Variants in OC90 observed in about 807,000 individuals in gnomAD.
OC90 encodes the protein otoconin 90.
A neutral mutation model predicts 47.3 loss-of-function variants in OC90; 46 were observed. That is an observed-to-expected ratio of 0.97 (90% CI 0.77 to 1.24). OC90 has a LOEUF of 1.24. Among genes scored for constraint, OC90 ranks in the 50% most tolerant of loss-of-function variants. The pLI, the probability that OC90 is intolerant of heterozygous loss-of-function variation, is 0.00. For synonymous variants in OC90, 271 were observed against 219.5 expected, an observed-to-expected ratio of 1.23 and a Z score of -2.07; for missense variants, 688 against 583.9, an observed-to-expected ratio of 1.18 and a Z score of -1.84.
chr8:132,054,952 GA>G (rs1422453435), intron 2 of OC90, 28 bp downstream of exon 2: 1 of 1,514,204 alleles, frequency 6.6e-7, no homozygotes, highest in African/African-American at 1.4e-5. Context: ...TGCTAAGCTG[GA>G]ACTATGGTGT....
At chr8:132,034,700 C>A (rs1822928911) in intron 10 of OC90, 81 bp downstream of exon 10, 1 of 956,044 alleles carries the variant, frequency 1.0e-6, no homozygotes, top group Admixed American at 2.1e-5. Flanking sequence ...CATTTGGAAC[C>A]CAGTTGATAT....
chr8:132,041,757 C>T lies in OC90; in HGVS notation c.170-58G>A, dbSNP rs376270494. ...CTGGGAACTAGGACTAGGAGGGCGTCCCTGTCCCCTGGACTTCCTATACCT... is the reference window on the plus strand; with the variant it reads ...CTGGGAACTAGGACTAGGAGGGCGTTCCTGTCCCCTGGACTTCCTATACCT... On this transcript the variant is annotated intron_variant, in intron 4 of 13. Coordinates refer to ENST00000254627, the MANE Select transcript of OC90 (RefSeq NM_001080399.3). 9.5e-6 allele frequency: 10 copies of T among 1,058,110 alleles called. No homozygotes were observed. In the South Asian group the frequency reaches 1.0e-4, roughly 11 times the overall value. The allele number at this position is 1,058,110 out of a possible 1,614,324, so 65.5% of individuals were successfully genotyped here.
intron 2 of OC90, among the ~76,000 whole-genome samples, chr8:132,054,172 A>T (rs72715326): frequency 6.6e-6 from 1 of 152,156 alleles, no homozygotes; most frequent in Non-Finnish European, 1.5e-5. Flanking sequence ...GCCTGCTCCT[A>T]GCCAATGTCC....
chr8:132,043,559 A>G (rs1037215883), intron 4 of OC90, among the ~76,000 whole-genome samples: 3 of 152,304 alleles, frequency 2.0e-5, no homozygotes, highest in Admixed American at 2.0e-4. Context: ...GTTACCCCTC[A>G]CTACTGATTT....
chr8:132,044,869 C>T (rs1823109900), intron 3 of OC90, among the ~76,000 whole-genome samples: 2 of 152,218 alleles, frequency 1.3e-5, no homozygotes, highest in African/African-American at 2.4e-5. Flanking sequence ...GAGGTCATTA[C>T]TAGAGATACT....
chr8:132,052,320 C>A (rs1823223562), intron 2 of OC90, among the ~76,000 whole-genome samples: 1 of 152,216 alleles, frequency 6.6e-6, no homozygotes, highest in African/African-American at 2.4e-5. Flanking sequence ...ACATTTTTCA[C>A]TGGGCATAAT....
chr8:132,050,672 G>T (rs146704914), intron 2 of OC90, among the ~76,000 whole-genome samples: 1 of 152,260 alleles, frequency 6.6e-6, no homozygotes, highest in African/African-American at 2.4e-5. Context: ...TGCCTGGCAA[G>T]ATGCTTCCAA....
At chr8:132,033,695 G>A (rs955277814) in intron 10 of OC90, among the ~76,000 whole-genome samples, 4 of 152,128 alleles carry the variant, frequency 2.6e-5, no homozygotes, top group Non-Finnish European at 4.4e-5. Flanking sequence ...TACCTGCCTT[G>A]CCATCACATC....
intron 1 of OC90, among the ~76,000 whole-genome samples, chr8:132,056,675 A>G (rs1472630170): frequency 1.3e-5 from 2 of 152,152 alleles, no homozygotes; most frequent in African/African-American, 4.8e-5. Context: ...CCATGAAACA[A>G]GGCTGAAAAT....
intron 5 of OC90, 83 bp from the exon 6 acceptor site, chr8:132,041,239 C>G (rs1204458536): frequency 2.3e-6 from 2 of 856,278 alleles, no homozygotes; most frequent in East Asian, 2.4e-5. Context: ...TTCTGTGTCT[C>G]TGGATGGATC....
rs538985852 is a variant in OC90 at position 132,051,225 on chromosome 8, C to T, written c.46+3756G>A. Among the ~76,000 whole-genome samples the T allele has an allele frequency of 9.2e-5, 14 of 152,336 alleles. No homozygotes were observed. The South Asian group carries it at 2.7e-3, about 29-fold the overall frequency. ...CCTGAACCCCAGCCAAGTACTCTCACTGTTATCCCTCTTCTGGCTATGCTG... is the reference window on the plus strand; with the variant it reads ...CCTGAACCCCAGCCAAGTACTCTCATTGTTATCCCTCTTCTGGCTATGCTG... On this transcript the variant is annotated intron_variant, in intron 2 of 13. Transcript: ENST00000254627.
At chr8:132,027,678 G>A (rs558948743) in intron 13 of OC90, among the ~76,000 whole-genome samples, 1 of 152,300 alleles carries the variant, frequency 6.6e-6, no homozygotes, top group South Asian at 2.1e-4. Flanking sequence ...CTGCTCATGG[G>A]GATTGCAGTT....
rs112620574 is a variant in OC90, at chr8:132,047,535, G to A, written c.47-1652C>T. ...GTTTGTTTCATCTGGGAGTTCCAGC[G>A]ACTCTAAGTTTGTATGCACATAATA... On this transcript the variant is annotated intron_variant, in intron 2 of 13. Coordinates refer to ENST00000254627, the MANE Select transcript of OC90 (RefSeq NM_001080399.3). 5.8e-3 allele frequency among the ~76,000 whole-genome samples: 879 copies of A among 152,106 alleles called. 11 individuals carry two copies. Among genetic ancestry groups the A allele is most frequent in the African/African-American group, 0.02 (811 of 41,492 alleles).
chr8:132,053,559 G>A (rs1823244758), intron 2 of OC90, among the ~76,000 whole-genome samples: 1 of 152,136 alleles, frequency 6.6e-6, no homozygotes, highest in African/African-American at 2.4e-5. Context: ...CTTTAGAATG[G>A]GATTTCATGG....
intron 2 of OC90, among the ~76,000 whole-genome samples, chr8:132,053,006 C>T (rs1823236354): frequency 1.3e-5 from 2 of 152,162 alleles, no homozygotes; most frequent in South Asian, 2.1e-4. Flanking sequence ...TACTGAAAAG[C>T]TTAGATTTTC....
intron 12 of OC90, among the ~76,000 whole-genome samples, chr8:132,030,519 A>T (rs1421140287): frequency 6.6e-6 from 1 of 152,222 alleles, no homozygotes; most frequent in Admixed American, 6.5e-5. Context: ...CAGAATACAG[A>T]AACTGCTACT....
intron 13 of OC90, among the ~76,000 whole-genome samples, chr8:132,028,220 T>C (rs1344219297): frequency 6.6e-6 from 1 of 151,898 alleles, no homozygotes; most frequent in Non-Finnish European, 1.5e-5. Flanking sequence ...AAGAAGAGTA[T>C]TGGTCGGGCA....
At chr8:132,036,092 G>A (rs117315073) in intron 9 of OC90, among the ~76,000 whole-genome samples, 1,810 of 152,308 alleles carry the variant, frequency 0.012, 31 homozygotes, top group South Asian at 0.075. Context: ...TTTTAGGGAA[G>A]ACAGTGTTCT....
chr8:132,029,827 C>G (rs1822847798), intron 12 of OC90, among the ~76,000 whole-genome samples: 1 of 152,200 alleles, frequency 6.6e-6, no homozygotes, highest in Non-Finnish European at 1.5e-5. Context: ...GCCAGGTGGA[C>G]ATCCTTAAGA....
Sources: allele counts gnomAD v4.1 joint callset (sites outside exome capture counted in the v4.1 genomes callset), GRCh38; gene constraint gnomAD v4.1.1; transcripts MANE v1.5; gene names NCBI Gene and HGNC (gene_info 2026-07-23, HGNC 2026-07-21).